NLGN4X: variants seen among roughly 807,000 people sequenced by gnomAD.
The protein encoded by NLGN4X is neuroligin 4 X-linked, also known as neuroligin-4, X-linked.
NLGN4X carries 3 observed loss-of-function variants against 40.3 expected under a neutral mutation model. The ratio of observed to expected loss-of-function variants is 0.07; its 90% CI spans 0.03 to 0.19. NLGN4X has a LOEUF of 0.19. Ranked by LOEUF, NLGN4X falls within the 10% of genes least tolerant of loss-of-function variation. The probability of loss-of-function intolerance (pLI) is 1.00; values close to 1 mark genes in which losing one functional copy is unlikely to be tolerated. For synonymous variants in NLGN4X, 270 were observed against 306.8 expected, an observed-to-expected ratio of 0.88 and a Z score of 1.25; for missense variants, 382 against 708.3, an observed-to-expected ratio of 0.54 and a Z score of 5.23.
intron 2 of NLGN4X, among the ~76,000 whole-genome samples, chrX:6,132,219 C>A (rs1180677402): frequency 9.0e-6 from 1 of 111,450 alleles, no homozygotes; most frequent in East Asian, 2.8e-4. Flanking sequence ...GTTGTGAGGG[C>A]TGTACTGTGC....
At chrX:6,162,550 C>G (rs2040421643) in intron 1 of NLGN4X, among the ~76,000 whole-genome samples, 2 of 111,868 alleles carry the variant, frequency 1.8e-5, no homozygotes. Flanking sequence ...ACATCAGACT[C>G]CAAGTCCTTC....
intron 1 of NLGN4X, among the ~76,000 whole-genome samples, chrX:6,157,631 G>T (rs2040298203): frequency 9.0e-6 from 1 of 111,621 alleles, no homozygotes; most frequent in Admixed American, 9.5e-5. Context: ...TCAGTGTATG[G>T]TGAGGGCCTG....
intron 1 of NLGN4X, among the ~76,000 whole-genome samples, chrX:6,181,064 G>C (rs1466851998): frequency 9.0e-6 from 1 of 111,360 alleles, no homozygotes; most frequent in African/African-American, 3.3e-5. Flanking sequence ...CTGTGCTTAG[G>C]ATGGAACTTA....
intron 2 of NLGN4X, among the ~76,000 whole-genome samples, chrX:6,102,132 T>C (rs2038922278): frequency 9.0e-6 from 1 of 111,415 alleles, no homozygotes; most frequent in African/African-American, 3.3e-5. Flanking sequence ...TTAAAATAAC[T>C]AAAATAATAT....
At chrX:6,065,854 A>T (rs2037900846) in intron 2 of NLGN4X, among the ~76,000 whole-genome samples, 1 of 112,163 alleles carries the variant, frequency 8.9e-6, no homozygotes, top group Non-Finnish European at 1.9e-5. Context: ...TTTTTAAAAT[A>T]GCTAAATTGC....
At chrX:5,901,915 A>C (rs1569117106) in intron 5 of NLGN4X, among the ~76,000 whole-genome samples, 1 of 107,814 alleles carries the variant, frequency 9.3e-6, no homozygotes, top group East Asian at 2.8e-4. Context: ...TACAAATAGG[A>C]ATATCTATAT....
At chrX:6,070,176 CT>C (rs375581036) in intron 2 of NLGN4X, among the ~76,000 whole-genome samples, 64 of 103,972 alleles carry the variant, frequency 6.2e-4, no homozygotes, top group East Asian at 3.3e-3. Flanking sequence ...TTCTTTAAGG[CT>C]TTTTTTTTTA....
At chrX:5,906,301 A>G (rs1238596997) in intron 4 of NLGN4X, among the ~76,000 whole-genome samples, 1 of 111,605 alleles carries the variant, frequency 9.0e-6, no homozygotes, top group African/African-American at 3.3e-5. Flanking sequence ...CATTAGCACT[A>G]GTAAGAAATC....
At chrX:6,197,323 G>A (rs1263346158) in intron 1 of NLGN4X, among the ~76,000 whole-genome samples, 1 of 110,555 alleles carries the variant, frequency 9.0e-6, no homozygotes, top group Non-Finnish European at 1.9e-5. Flanking sequence ...GTGCAACGGT[G>A]CAACCTTGGA....
chrX:5,911,642 T>C (rs1334922238), intron 3 of NLGN4X, among the ~76,000 whole-genome samples: 1 of 112,298 alleles, frequency 8.9e-6, no homozygotes, highest in Non-Finnish European at 1.9e-5. Context: ...ATTATTTTTT[T>C]CTTTTTAAAC....
intron 2 of NLGN4X, among the ~76,000 whole-genome samples, chrX:6,137,350 T>C (rs1305640320): frequency 8.9e-6 from 1 of 112,089 alleles, no homozygotes; most frequent in African/African-American, 3.2e-5. Flanking sequence ...GAACTCATCT[T>C]ACCTTGATTA....
At chrX:6,200,787 A>G (rs1569295993) in intron 1 of NLGN4X, among the ~76,000 whole-genome samples, 1 of 104,486 alleles carries the variant, frequency 9.6e-6, no homozygotes. Flanking sequence ...CCCAGGCTCA[A>G]GCAATCCTCC....
At chrX:6,017,306 GA>G (rs2147177231) in intron 3 of NLGN4X, among the ~76,000 whole-genome samples, 1 of 111,857 alleles carries the variant, frequency 8.9e-6, no homozygotes, top group South Asian at 3.8e-4. Flanking sequence ...AAATATGATT[GA>G]AAAGAAGAAA....
chrX:5,965,893 GC>G (rs779586338), intron 3 of NLGN4X, among the ~76,000 whole-genome samples: 1 of 111,798 alleles, frequency 8.9e-6, no homozygotes, highest in South Asian at 3.8e-4. Context: ...TTTATGTGTT[GC>G]CCAAACCCCA....
At chrX:6,160,578 T>G (rs1229475025) in intron 1 of NLGN4X, among the ~76,000 whole-genome samples, 1 of 108,587 alleles carries the variant, frequency 9.2e-6, no homozygotes, top group Non-Finnish European at 1.9e-5. Flanking sequence ...TCACCCAGGC[T>G]GGAGTGCAGT....
At chrX:5,933,016 T>C (rs893226454) in intron 3 of NLGN4X, among the ~76,000 whole-genome samples, 5 of 110,808 alleles carry the variant, frequency 4.5e-5, no homozygotes, top group Admixed American at 9.7e-5. Flanking sequence ...CAGATTGACA[T>C]CAAACTTCCC....
At chrX:6,091,694 T>G (rs1381579209) in intron 2 of NLGN4X, among the ~76,000 whole-genome samples, 1 of 112,333 alleles carries the variant, frequency 8.9e-6, no homozygotes, top group Non-Finnish European at 1.9e-5. Context: ...CTGCCAAGTG[T>G]GTAATACTAC....
At chrX:6,129,802 T>TA (rs66886928) in intron 2 of NLGN4X, among the ~76,000 whole-genome samples, 10,970 of 104,194 alleles carry the variant, frequency 0.11, 542 homozygotes, top group African/African-American at 0.19. Context: ...GTGAAATGTT[T>TA]AAAAAAAAAA....
intron 3 of NLGN4X, among the ~76,000 whole-genome samples, chrX:6,014,252 G>A (rs953802754): frequency 9.0e-6 from 1 of 111,218 alleles, no homozygotes; most frequent in African/African-American, 3.3e-5. Flanking sequence ...GATGAATCTA[G>A]GTAATCATAA....
Sources: allele counts gnomAD v4.1 joint callset (sites outside exome capture counted in the v4.1 genomes callset), GRCh38; gene constraint gnomAD v4.1.1; transcripts MANE v1.5; gene names NCBI Gene and HGNC (gene_info 2026-07-23, HGNC 2026-07-21).